Variants in DCLK1 observed in about 807,000 individuals in gnomAD.
DCLK1 encodes doublecortin like kinase 1, also known as serine/threonine-protein kinase DCLK1.
DCLK1 carries 16 observed loss-of-function variants against 86.2 expected under a neutral mutation model. The observed-to-expected ratio is 0.19, with a 90% CI of 0.13 to 0.28. The LOEUF (loss-of-function observed/expected upper bound fraction) is 0.28, where lower values mean the gene tolerates loss of function less well. Among genes scored for constraint, DCLK1 ranks in the 10% least tolerant of loss-of-function variants. DCLK1 has a pLI of 1.00. For missense variants in DCLK1, 590 were observed against 940.2 expected (o/e 0.63, Z 4.87); for synonymous variants, 369 against 370.5 (o/e 1.00, Z 0.05).
intron 3 of DCLK1, among the ~76,000 whole-genome samples, chr13:36,088,191 T>TGAG (rs1884685532): frequency 6.6e-6 from 1 of 151,998 alleles, no homozygotes; most frequent in South Asian, 2.1e-4. Flanking sequence ...CTAGGAGGAG[T>TGAG]GAGCTGTCCA....
intron 4 of DCLK1, among the ~76,000 whole-genome samples, chr13:35,896,476 C>T (rs1170123920): frequency 1.5e-5 from 2 of 135,592 alleles, no homozygotes; most frequent in Non-Finnish European, 1.5e-5. Flanking sequence ...AGCCGGAGGT[C>T]GCAGTGAGCA....
intron 3 of DCLK1, among the ~76,000 whole-genome samples, chr13:36,104,243 A>AGACCT (rs1885317779): frequency 6.6e-6 from 1 of 152,228 alleles, no homozygotes; most frequent in Non-Finnish European, 1.5e-5. Flanking sequence ...CTGGAGCCAT[A>AGACCT]TGCTAATGCC....
chr13:35,914,005 C>T (rs984838817), intron 4 of DCLK1, among the ~76,000 whole-genome samples: 4 of 151,818 alleles, frequency 2.6e-5, no homozygotes, highest in Admixed American at 6.6e-5. Context: ...GAAAGAGGTA[C>T]GAATTTTTAG....
rs9315375 is a variant in DCLK1 at position 35,950,571 on chromosome 13, C to G, written c.724-3114G>C. Among the ~76,000 whole-genome samples the G allele has an allele frequency of 5.1e-3, 779 of 152,248 alleles. 9 individuals carry two copies. Among genetic ancestry groups the G allele is most frequent in the African/African-American group, 0.018 (738 of 41,556 alleles). On this transcript the variant is annotated intron_variant, in intron 3 of 16. Transcript: ENST00000360631. ...GTAGTTACCAGTTTTTTAAAAGATT[C>G]GTTTTATGGATGAAAAACATGCTTC...
chr13:36,013,016 G>T (rs1465489180), intron 3 of DCLK1, among the ~76,000 whole-genome samples: 1 of 74,156 alleles, frequency 1.3e-5, no homozygotes, highest in Admixed American at 1.6e-4. Flanking sequence ...CCAGTTGATC[G>T]CATCGGCTCC....
intron 5 of DCLK1, among the ~76,000 whole-genome samples, chr13:35,859,750 A>G (rs1871277110): frequency 6.6e-6 from 1 of 152,194 alleles, no homozygotes; most frequent in Non-Finnish European, 1.5e-5. Flanking sequence ...TACATGCTAG[A>G]TTCTTATTGC....
chr13:35,781,856 AT>A (rs2086531921), intron 16 of DCLK1, among the ~76,000 whole-genome samples: 1 of 152,172 alleles, frequency 6.6e-6, no homozygotes, highest in Non-Finnish European at 1.5e-5. Context: ...CAGTTTGGAA[AT>A]GTTTTGCTTG....
At chr13:35,820,088 C>A (rs1008369001) in intron 11 of DCLK1, among the ~76,000 whole-genome samples, 2 of 152,166 alleles carry the variant, frequency 1.3e-5, no homozygotes, top group Admixed American at 6.5e-5. Flanking sequence ...TTCCACAACT[C>A]TCAATAGAAT....
At chr13:35,782,371 C>T (rs558504242) in intron 16 of DCLK1, among the ~76,000 whole-genome samples, 10 of 152,128 alleles carry the variant, frequency 6.6e-5, no homozygotes, top group East Asian at 1.9e-4. Flanking sequence ...CCAACCTCAG[C>T]GGAATTGCCA....
At chr13:36,098,971 A>ATTT (rs34423920) in intron 3 of DCLK1, among the ~76,000 whole-genome samples, 2 of 144,800 alleles carry the variant, frequency 1.4e-5, no homozygotes, top group African/African-American at 5.1e-5. Flanking sequence ...TATTATTTGG[A>ATTT]TTTTTTTTTT....
At position 35,975,494 on chromosome 13, in the gene DCLK1, C is replaced by T. The variant is rs149120235; in HGVS notation, c.724-28037G>A. Reference sequence around the variant, plus strand: ...TCCCCACCACACAGCCCACGAAGGACGCTATCCTCTTCCACCAGCTCCAAG... The same window carrying T: ...TCCCCACCACACAGCCCACGAAGGATGCTATCCTCTTCCACCAGCTCCAAG... On this transcript the variant is annotated intron_variant, in intron 3 of 16. Transcript: ENST00000360631. Among the ~76,000 whole-genome samples, 343 of 152,248 alleles carry T rather than the reference C, an allele frequency of 2.3e-3. 1 individual carries two copies. Among genetic ancestry groups the T allele is most frequent in the Middle Eastern group, 0.014 (4 of 294 alleles).
chr13:35,877,314 T>A (rs1209493746), intron 4 of DCLK1, among the ~76,000 whole-genome samples: 1 of 152,134 alleles, frequency 6.6e-6, no homozygotes, highest in African/African-American at 2.4e-5. Context: ...CTTAGAAAGA[T>A]CCTCCCCCCA....
chr13:36,109,703 C>T (rs540543120), intron 3 of DCLK1, among the ~76,000 whole-genome samples: 63 of 152,310 alleles, frequency 4.1e-4, no homozygotes, highest in African/African-American at 1.4e-3. Flanking sequence ...GATAATGAAG[C>T]TCAGTTAAGT....
Position 35,774,593 on chromosome 13 carries a change from G to T in DCLK1, c.2165C>A (p.Ser722Ter). The T allele has an allele frequency of 6.3e-7, 1 of 1,581,934 alleles. No individual in the cohort carries two copies. The change falls in exon 17 of 17, where the codon TCG becomes TAG. Residue 722 changes from serine to a stop codon, truncating the protein, a stop_gained. Coordinates refer to ENST00000360631, the MANE Select transcript of DCLK1 (RefSeq NM_001330071.2). LOFTEE classifies it high-confidence loss of function. ...GGAGGAGCTTGGGGAGTAGTCTTCC[G>T]ATTCCGAGTTGAGTTCGGGAGGAGC... ...QPAPPELNSE[S>*]EDYSPSSSET...
chr13:35,971,142 A>T (rs2153139468), intron 3 of DCLK1, among the ~76,000 whole-genome samples: 1 of 152,326 alleles, frequency 6.6e-6, no homozygotes, highest in East Asian at 1.9e-4. Flanking sequence ...CTGAAGTTAT[A>T]AGATTTCCAC....
At chr13:36,049,102 CT>C (rs1413894894) in intron 3 of DCLK1, among the ~76,000 whole-genome samples, 1 of 152,104 alleles carries the variant, frequency 6.6e-6, no homozygotes, top group Non-Finnish European at 1.5e-5. Context: ...CTTCACATCA[CT>C]TTCCAAAGAC....
chr13:35,769,709 A>G lies in DCLK1; in HGVS notation c.*4826T>C, dbSNP rs2153096147. 1 of 152,320 alleles carries G rather than the reference A, an allele frequency of 6.6e-6. No homozygotes were observed. The highest frequency in any genetic ancestry group is 1.9e-4 in the East Asian group (1 of 5,182). 9.4% of individuals were successfully genotyped at this position (152,320 alleles called of 1,614,324 possible). A position where few individuals can be genotyped will look rare whatever the true frequency, so the allele number is the denominator to read the frequency against. Reference sequence around the variant, plus strand: ...TAGCAACAGTGAAGACTTTAGAACTATTACTTACTTTAAATTATTAAAGTA... The same window carrying G: ...TAGCAACAGTGAAGACTTTAGAACTGTTACTTACTTTAAATTATTAAAGTA... On this transcript the variant is annotated 3_prime_UTR_variant, in exon 17 of 17. Transcript: ENST00000360631.
intron 15 of DCLK1, among the ~76,000 whole-genome samples, chr13:35,794,393 G>T (rs186660991): frequency 6.6e-6 from 1 of 152,022 alleles, no homozygotes. Flanking sequence ...CAATCACTTC[G>T]ATGCCATTCA....
At chr13:36,112,434 C>T (rs1316251819) in intron 2 of DCLK1, among the ~76,000 whole-genome samples, 1 of 152,138 alleles carries the variant, frequency 6.6e-6, no homozygotes, top group African/African-American at 2.4e-5. Flanking sequence ...CAAAACAAAA[C>T]ATTATTCCTC....
Sources: allele counts gnomAD v4.1 joint callset (sites outside exome capture counted in the v4.1 genomes callset), GRCh38; gene constraint gnomAD v4.1.1; transcripts MANE v1.5; gene names NCBI Gene and HGNC (gene_info 2026-07-23, HGNC 2026-07-21).